SNTB1: variants seen among roughly 807,000 people sequenced by gnomAD.
SNTB1 encodes syntrophin beta 1.
A neutral mutation model predicts 48.9 loss-of-function variants in SNTB1; 36 were observed. The observed-to-expected ratio is 0.74, with a 90% CI of 0.56 to 0.97. SNTB1 has a LOEUF of 0.97. Ranked by LOEUF, SNTB1 falls within the 50% of genes least tolerant of loss-of-function variation. SNTB1 has a pLI of 0.00. For synonymous variants in SNTB1, 299 were observed against 294.6 expected, an observed-to-expected ratio of 1.01 and a Z score of -0.15; for missense variants, 786 against 703.4, an observed-to-expected ratio of 1.12 and a Z score of -1.33.
In SNTB1 at chr8:120,809,373, T is replaced by C. The variant is rs142389875; in HGVS notation, c.571+1900A>G. Among the ~76,000 whole-genome samples the C allele has an allele frequency of 8.6e-4, 131 of 152,322 alleles. 1 individual carries two copies. Among genetic ancestry groups the C allele is most frequent in the African/African-American group, 3.0e-3 (126 of 41,586 alleles). On this transcript the variant is annotated intron_variant, in intron 1 of 6. Transcript: ENST00000517992. ...GACAAACCACAAAGTGTTCTAAGAA[T>C]GTCATATTAGAGGTTTTTACAAAAC...
intron 3 of SNTB1, among the ~76,000 whole-genome samples, chr8:120,620,649 C>T (rs1210683898): frequency 6.8e-6 from 1 of 147,692 alleles, no homozygotes; most frequent in Non-Finnish European, 1.5e-5. Context: ...CACAACTCCC[C>T]CCACCCCCAC....
chr8:120,750,477 A>C (rs772498042), intron 1 of SNTB1, among the ~76,000 whole-genome samples: 4 of 152,168 alleles, frequency 2.6e-5, no homozygotes, highest in African/African-American at 9.7e-5. Flanking sequence ...CTTATCATTC[A>C]TCAAAATCAA....
At chr8:120,544,191 A>G (rs1815339311) in intron 5 of SNTB1, among the ~76,000 whole-genome samples, 1 of 152,192 alleles carries the variant, frequency 6.6e-6, no homozygotes, top group African/African-American at 2.4e-5. Context: ...TGTTAAAGCT[A>G]TACCTTCAGA....
At chr8:120,724,506 G>A (rs2129958628) in intron 1 of SNTB1, among the ~76,000 whole-genome samples, 1 of 152,266 alleles carries the variant, frequency 6.6e-6, no homozygotes, top group South Asian at 2.1e-4. Flanking sequence ...TCCCTTTTAG[G>A]GAACATGGAG....
rs776504824 is a variant in SNTB1, at chr8:120,811,835, T to TACCGCC, written c.3_8dup (p.Val3_Ala4dup). On this transcript the variant is annotated inframe_insertion, in exon 1 of 7. Transcript: ENST00000517992. The stretch of plus-strand genomic sequence containing the variant: ...GCCCAGCCGCCGCCGCCGCCGCCGC[T>TACCGCC]ACCGCCATCTTTCCGGCATTCTTAA... 6.6e-3 allele frequency: 8,861 copies of TACCGCC among 1,345,508 alleles called. 57 individuals carry two copies. The highest frequency in any genetic ancestry group is 0.057 in the Middle Eastern group (256 of 4,482). 83.3% of individuals were successfully genotyped at this position (1,345,508 alleles called of 1,614,324 possible).
At chr8:120,624,328 C>A (rs1311319468) in intron 3 of SNTB1, among the ~76,000 whole-genome samples, 1 of 152,148 alleles carries the variant, frequency 6.6e-6, no homozygotes, top group Non-Finnish European at 1.5e-5. Context: ...CTGGTGAGGA[C>A]CTTCTTGCTG....
At chr8:120,579,802 T>C (rs1298935696) in intron 3 of SNTB1, among the ~76,000 whole-genome samples, 2 of 152,214 alleles carry the variant, frequency 1.3e-5, no homozygotes, top group Admixed American at 6.5e-5. Context: ...AAGAAAAGAA[T>C]GATACTGTTG....
At chr8:120,655,324 A>G (rs909382218) in intron 2 of SNTB1, among the ~76,000 whole-genome samples, 88 of 152,240 alleles carry the variant, frequency 5.8e-4, no homozygotes, top group African/African-American at 2.1e-3. Flanking sequence ...TAACTACAAG[A>G]TGTAAAAGAA....
At chr8:120,628,759 G>GA (rs146824400) in intron 3 of SNTB1, among the ~76,000 whole-genome samples, 9 of 147,018 alleles carry the variant, frequency 6.1e-5, no homozygotes, top group South Asian at 4.3e-4. Flanking sequence ...CCATCTCAAA[G>GA]AAAAAAAAAA....
intron 5 of SNTB1, among the ~76,000 whole-genome samples, chr8:120,547,757 C>T (rs1815408086): frequency 6.6e-6 from 1 of 152,136 alleles, no homozygotes; most frequent in Admixed American, 6.5e-5. Flanking sequence ...TTTCTAAGAG[C>T]TCTGTGTGAA....
intron 2 of SNTB1, among the ~76,000 whole-genome samples, chr8:120,670,850 C>A (rs890529371): frequency 6.6e-5 from 10 of 152,130 alleles, no homozygotes; most frequent in African/African-American, 2.4e-4. Context: ...CCATTTCTAG[C>A]AGCCCCATAA....
intron 3 of SNTB1, among the ~76,000 whole-genome samples, chr8:120,589,913 AT>A (rs1206365930): frequency 1.3e-5 from 2 of 152,260 alleles, no homozygotes; most frequent in African/African-American, 4.8e-5. Context: ...CTTTCCTTCT[AT>A]TTCCTAAAAT....
chr8:120,784,805 G>A (rs116682340), intron 1 of SNTB1, among the ~76,000 whole-genome samples: 1 of 152,144 alleles, frequency 6.6e-6, no homozygotes, highest in African/African-American at 2.4e-5. Flanking sequence ...AAGAAAAACG[G>A]AAAGAAATTG....
chr8:120,616,566 C>A (rs1423128880), intron 3 of SNTB1, among the ~76,000 whole-genome samples: 2 of 150,940 alleles, frequency 1.3e-5, no homozygotes, highest in Non-Finnish European at 2.9e-5. Context: ...ACCCTCTCAA[C>A]TTGGCTTCCC....
At chr8:120,776,237 GGTCTTAGGGATGTCCCCCT>G (rs1819734399) in intron 1 of SNTB1, 1 of 152,182 alleles carries the variant, frequency 6.6e-6, no homozygotes, top group Non-Finnish European at 1.5e-5. Context: ...ACTGCCAGTG[GGTCTTAGGGATGTCCCCCT>G]GCACCTCTTT....
At chr8:120,767,565 G>C (rs1381374625) in intron 1 of SNTB1, among the ~76,000 whole-genome samples, 1 of 152,134 alleles carries the variant, frequency 6.6e-6, no homozygotes, top group African/African-American at 2.4e-5. Context: ...TAGAACATAG[G>C]CTCTACAGCC....
At chr8:120,788,981 A>G (rs1027473006) in intron 1 of SNTB1, among the ~76,000 whole-genome samples, 6 of 152,110 alleles carry the variant, frequency 3.9e-5, no homozygotes, top group Non-Finnish European at 7.4e-5. Flanking sequence ...AAGAGAGACT[A>G]TATGATAGGC....
intron 3 of SNTB1, among the ~76,000 whole-genome samples, chr8:120,599,153 G>C (rs1358242681): frequency 6.6e-6 from 1 of 152,204 alleles, no homozygotes; most frequent in Non-Finnish European, 1.5e-5. Context: ...ATATAAGGCG[G>C]CCAGGAAAGG....
In SNTB1 at chr8:120,609,156, A is replaced by C. The variant is rs1816575408; in HGVS notation, c.996+23288T>G. 2.0e-5 allele frequency among the ~76,000 whole-genome samples: 3 copies of C among 152,252 alleles called. No homozygotes were observed. In the South Asian group the frequency reaches 6.2e-4, roughly 32 times the overall value. On this transcript the variant is annotated intron_variant, in intron 3 of 6. Transcript: ENST00000517992. ...CATAGTAAGTCTTATTCCAAAATCC[A>C]TAGAAAGGAAAATAAAACAAAGGAA...
Sources: allele counts gnomAD v4.1 joint callset (sites outside exome capture counted in the v4.1 genomes callset), GRCh38; gene constraint gnomAD v4.1.1; transcripts MANE v1.5; gene names NCBI Gene and HGNC (gene_info 2026-07-23, HGNC 2026-07-21).